The following LRRK1 variants were observed in gnomAD, a reference collection of about 807,000 sequenced individuals.
LRRK1 encodes leucine rich repeat kinase 1, also known as leucine-rich repeat serine/threonine-protein kinase 1.
In LRRK1, 113 loss-of-function variants were observed where a neutral mutation model predicts 209.1. The ratio of observed to expected loss-of-function variants is 0.54; its 90% CI spans 0.46 to 0.63. The LOEUF (loss-of-function observed/expected upper bound fraction) is 0.63. Among genes scored for constraint, LRRK1 ranks in the 30% least tolerant of loss-of-function variants. The probability of loss-of-function intolerance (pLI) is 0.00; values close to 1 mark genes in which losing one functional copy is unlikely to be tolerated. For synonymous variants in LRRK1, 1,144 were observed against 1,099.7 expected, an observed-to-expected ratio of 1.04 and a Z score of -0.80; for missense variants, 2,284 against 2,632.2, an observed-to-expected ratio of 0.87 and a Z score of 2.89.
intron 26 of LRRK1, 77 bp from the exon 27 acceptor site, chr15:101,054,869 G>C: frequency 8.0e-7 from 1 of 1,254,324 alleles, no homozygotes; most frequent in Non-Finnish European, 1.1e-6. Context: ...AAGACAAAAA[G>C]ACAGTTGTTA....
intron 7 of LRRK1, among the ~76,000 whole-genome samples, 190 bp from the exon 8 acceptor site, chr15:101,010,260 C>A (rs555683492): frequency 1.5e-4 from 23 of 152,300 alleles, no homozygotes; most frequent in African/African-American, 5.3e-4. Flanking sequence ...TTGTCTTTAT[C>A]TACACAGGAC....
chr15:101,065,336 T>A lies in LRRK1; in HGVS notation c.4915-16T>A. 1 of 1,608,424 alleles carries A rather than the reference T, an allele frequency of 6.2e-7. No homozygotes were observed. Among genetic ancestry groups the A allele is most frequent in the Non-Finnish European group, 8.5e-7 (1 of 1,178,400 alleles). ...GAAATGGAAGGATGTGACACATCCC[T>A]GTCTCCTTCCTTCAGAATTCCTACC... is the stretch of plus-strand genomic sequence containing the variant. On this transcript the variant is annotated splice_polypyrimidine_tract_variant and intron_variant, in intron 31 of 33. Coordinates refer to ENST00000388948, the MANE Select transcript of LRRK1 (RefSeq NM_024652.6).
At chr15:100,935,187 G>C (rs1037133704) in intron 2 of LRRK1, among the ~76,000 whole-genome samples, 3 of 152,198 alleles carry the variant, frequency 2.0e-5, no homozygotes, top group Non-Finnish European at 4.4e-5. Context: ...GCACTCTACT[G>C]TCAGGAGTGA....
In LRRK1 at chr15:101,051,577, G is replaced by C. The variant is rs79068682; in HGVS notation, c.3440-134G>C. On this transcript the variant is annotated intron_variant, in intron 23 of 33. Transcript: ENST00000388948. ...CGAATGTGGCAGTGGGTTTCAGCCTGTCTCTTGGGTACAGGCCAGGACAGG... is the reference window on the plus strand; with the variant it reads ...CGAATGTGGCAGTGGGTTTCAGCCTCTCTCTTGGGTACAGGCCAGGACAGG... The C allele has an allele frequency of 0.093, 108,221 of 1,169,406 alleles. 7,833 individuals are homozygous for C. The highest frequency in any genetic ancestry group is 0.39 in the East Asian group (15,371 of 39,680). The allele number at this position is 1,169,406 out of a possible 1,614,324, so 72.4% of individuals were successfully genotyped here. A position where few individuals can be genotyped will look rare whatever the true frequency, so the allele number is the denominator to read the frequency against.
chr15:100,962,301 G>A (rs547113668), intron 2 of LRRK1, among the ~76,000 whole-genome samples: 3 of 152,168 alleles, frequency 2.0e-5, no homozygotes, highest in East Asian at 1.9e-4. Context: ...AGGCCAAGGC[G>A]GGTGGATCAC....
At chr15:100,992,045 C>G (rs1299227740) in intron 6 of LRRK1, among the ~76,000 whole-genome samples, 1 of 151,954 alleles carries the variant, frequency 6.6e-6, no homozygotes, top group African/African-American at 2.4e-5. Flanking sequence ...TGCTCATTGT[C>G]TTTTTTTAAC....
chr15:101,037,590 C>T (rs1431261073), intron 20 of LRRK1, among the ~76,000 whole-genome samples: 1 of 152,204 alleles, frequency 6.6e-6, no homozygotes, highest in Non-Finnish European at 1.5e-5. Context: ...GCTGCCCTGC[C>T]ACTGGGGAGG....
At chr15:100,937,226 A>G (rs2042315188) in intron 2 of LRRK1, among the ~76,000 whole-genome samples, 1 of 152,218 alleles carries the variant, frequency 6.6e-6, no homozygotes, top group South Asian at 2.1e-4. Flanking sequence ...AAACTATCTT[A>G]TTCATTTTTA....
rs375029219 is a variant in LRRK1 at position 101,027,703 on chromosome 15, C to T, written c.2592C>T (p.Asp864=). The stretch of plus-strand genomic sequence containing the variant: ...CAGAGCAGCAGCGCCGCAGCCGGGA[C>T]GACGACGTGCAGTACCTGACGGACA... ...VLAEQQRRSR[D]DDVQYLTDRQ... is the part of the protein sequence containing the mutation. Residue 864 remains aspartate (D), a synonymous_variant, in exon 19 of 34, where the codon GAC becomes GAT. Coordinates refer to ENST00000388948, the MANE Select transcript of LRRK1 (RefSeq NM_024652.6). This position sits in a 1 kb window ranked among gnomAD's most constrained non-coding sequence, Gnocchi z 5.1. 7.7e-5 allele frequency: 124 copies of T among 1,612,630 alleles called. 1 individual carries two copies. The South Asian group carries it at 9.5e-4, about 12-fold the overall frequency.
intron 2 of LRRK1, among the ~76,000 whole-genome samples, chr15:100,956,831 C>T (rs1334927135): frequency 6.6e-6 from 1 of 152,110 alleles, no homozygotes; most frequent in Non-Finnish European, 1.5e-5. Context: ...TTTCTTTCTT[C>T]TAACTTTGGG....
chr15:100,998,803 C>CATGG (rs919723380), intron 6 of LRRK1, among the ~76,000 whole-genome samples: 2 of 146,872 alleles, frequency 1.4e-5, no homozygotes, highest in Admixed American at 6.8e-5. Context: ...TACATGGTTG[C>CATGG]ATGGATGGAT....
chr15:100,921,504 T>C (rs2042020269), intron 1 of LRRK1, among the ~76,000 whole-genome samples: 1 of 152,140 alleles, frequency 6.6e-6, no homozygotes, highest in Admixed American at 6.5e-5. Flanking sequence ...GTGATATGAA[T>C]GAGCATGTCT....
At chr15:101,037,675 G>A (rs768575673) in intron 20 of LRRK1, among the ~76,000 whole-genome samples, 1 of 152,158 alleles carries the variant, frequency 6.6e-6, no homozygotes, top group Non-Finnish European at 1.5e-5. Flanking sequence ...AGCCTTTAAG[G>A]TGGTAGCCTA....
In LRRK1 at chr15:100,975,132, C is replaced by T. The variant is rs574050399; in HGVS notation, c.261+1165C>T. 3.3e-5 allele frequency among the ~76,000 whole-genome samples: 5 copies of T among 152,356 alleles called. No homozygotes were observed. In the East Asian group the frequency reaches 7.7e-4, roughly 24 times the overall value. On this transcript the variant is annotated intron_variant, in intron 3 of 33. Transcript: ENST00000388948. ...TATGGAAAAGGATCATTCTTCTGCACAGAGAGAGCTGCGCTGTGCACACGA... is the reference window on the plus strand; with the variant it reads ...TATGGAAAAGGATCATTCTTCTGCATAGAGAGAGCTGCGCTGTGCACACGA...
rs1448082069 is a variant in LRRK1 at position 101,074,724 on chromosome 15, C to G, written c.*5876C>G. The stretch of plus-strand genomic sequence containing the variant: ...CCTCCACTGTGAGACAAACCCCAGC[C>G]ACATCTCCAGCACACAAGAACTTCC... On this transcript the variant is annotated 3_prime_UTR_variant, in exon 34 of 34. Transcript: ENST00000388948. 2.0e-5 allele frequency: 3 copies of G among 152,216 alleles called. No individual in the cohort carries two copies. The highest frequency in any genetic ancestry group is 3.9e-4 in the East Asian group (2 of 5,164). The allele number at this position is 152,216 out of a possible 1,614,324, so 9.4% of individuals were successfully genotyped here. A position where few individuals can be genotyped will look rare whatever the true frequency, so the allele number is the denominator to read the frequency against.
intron 2 of LRRK1, among the ~76,000 whole-genome samples, chr15:100,966,263 C>T (rs917173694): frequency 6.6e-6 from 1 of 152,158 alleles, no homozygotes; most frequent in Non-Finnish European, 1.5e-5. Flanking sequence ...TTTGATGAAG[C>T]CTAATTTAAC....
intron 6 of LRRK1, among the ~76,000 whole-genome samples, chr15:100,996,727 C>T (rs568661783): frequency 2.0e-5 from 3 of 152,324 alleles, no homozygotes; most frequent in Non-Finnish European, 2.9e-5. Flanking sequence ...GGGAACAGCG[C>T]GTGGCTTCTC....
Position 101,051,659 on chromosome 15 carries a change from C to T in LRRK1, c.3440-52C>T, listed in dbSNP as rs890112829. On this transcript the variant is annotated intron_variant, in intron 23 of 33. Coordinates refer to ENST00000388948, the MANE Select transcript of LRRK1 (RefSeq NM_024652.6). ...GGGGTGCAGAGTGCTGCTCGGGGGG[C>T]CCTCCTGCACCACCTTCTTGTGAAG... 5 of 1,584,372 alleles carry T rather than the reference C, an allele frequency of 3.2e-6. No individual in the cohort carries two copies. The South Asian group carries it at 3.5e-5, about 11-fold the overall frequency.
intron 2 of LRRK1, among the ~76,000 whole-genome samples, chr15:100,970,447 G>C (rs1027446973): frequency 1.3e-5 from 2 of 152,158 alleles, no homozygotes; most frequent in Admixed American, 6.5e-5. Flanking sequence ...AAAATCAATT[G>C]AATGTACAAG....
Sources: allele counts gnomAD v4.1 joint callset (sites outside exome capture counted in the v4.1 genomes callset), GRCh38; gene constraint gnomAD v4.1.1; non-coding constraint Gnocchi (gnomAD v3.1); transcripts MANE v1.5; gene names NCBI Gene and HGNC (gene_info 2026-07-23, HGNC 2026-07-21).